The following PRKCE variants were observed in gnomAD, a reference collection of about 807,000 sequenced individuals.
PRKCE encodes the protein protein kinase C epsilon, also known as protein kinase C epsilon type.
Under a neutral mutation model 85.4 loss-of-function variants are expected in PRKCE, and 16 were observed. The observed-to-expected ratio is 0.19, with a 90% confidence interval of 0.13 to 0.28. The LOEUF (loss-of-function observed/expected upper bound fraction) is 0.28, where lower values mean the gene tolerates loss of function less well. Among genes scored for constraint, PRKCE ranks in the 10% least tolerant of loss-of-function variants. The probability of loss-of-function intolerance (pLI) is 1.00; values close to 1 mark genes in which losing one functional copy is unlikely to be tolerated. For missense variants in PRKCE, 573 were observed against 975.2 expected (o/e 0.59, Z 5.49); for synonymous variants, 388 against 371.5 (o/e 1.04, Z -0.51).
At chr2:45,980,228 A>G in intron 4 of PRKCE, 68 bp from the exon 5 acceptor site, 3 of 1,495,250 alleles carry the variant, frequency 2.0e-6, no homozygotes, top group Non-Finnish European at 2.8e-6. Flanking sequence ...CCAAGCCCTG[A>G]ATAGATCCTG....
At chr2:45,672,172 A>G (rs1330927139) in intron 1 of PRKCE, among the ~76,000 whole-genome samples, 1 of 152,010 alleles carries the variant, frequency 6.6e-6, no homozygotes, top group Non-Finnish European at 1.5e-5. Context: ...TTGCTATATC[A>G]TGCTGCATCC....
chr2:45,654,450 C>G (rs1162751150), intron 1 of PRKCE, among the ~76,000 whole-genome samples: 1 of 152,172 alleles, frequency 6.6e-6, no homozygotes, highest in African/African-American at 2.4e-5. Context: ...TCCAGAGAAG[C>G]TAGTTGGGGA....
At chr2:46,071,502 T>C (rs1668080778) in intron 10 of PRKCE, among the ~76,000 whole-genome samples, 1 of 152,210 alleles carries the variant, frequency 6.6e-6, no homozygotes, top group Admixed American at 6.5e-5. Flanking sequence ...ATGCAGCTTG[T>C]TCACGCAGCT....
chr2:45,740,427 AG>A (rs1276811276), intron 1 of PRKCE, among the ~76,000 whole-genome samples: 24 of 152,184 alleles, frequency 1.6e-4, no homozygotes, highest in Middle Eastern at 3.4e-3. Context: ...GGAAGGGGAG[AG>A]GAAAAGTCTG....
chr2:45,888,039 G>C (rs969523889), intron 2 of PRKCE, among the ~76,000 whole-genome samples: 1 of 152,220 alleles, frequency 6.6e-6, no homozygotes, highest in African/African-American at 2.4e-5. Flanking sequence ...GTGATCATTA[G>C]AAATGGACCT....
chr2:46,078,107 T>G (rs562533385), intron 10 of PRKCE: 2 of 152,268 alleles, frequency 1.3e-5, no homozygotes, highest in Non-Finnish European at 2.9e-5. Flanking sequence ...TCAAAGACAA[T>G]AAAACATTTT....
chr2:45,979,380 G>T (rs1702704764), intron 4 of PRKCE, among the ~76,000 whole-genome samples: 1 of 152,128 alleles, frequency 6.6e-6, no homozygotes, highest in Non-Finnish European at 1.5e-5. Context: ...ATCCCTCCCT[G>T]TCTCCCTCCC....
intron 11 of PRKCE, among the ~76,000 whole-genome samples, chr2:46,112,912 G>A (rs1672411535): frequency 6.6e-6 from 1 of 152,008 alleles, no homozygotes; most frequent in Non-Finnish European, 1.5e-5. Flanking sequence ...AAAATCACCA[G>A]TTGTAGGTTG....
chr2:45,719,321 A>T (rs1350400819), intron 1 of PRKCE, among the ~76,000 whole-genome samples: 1 of 152,262 alleles, frequency 6.6e-6, no homozygotes, highest in African/African-American at 2.4e-5. Context: ...CTCTGCACTG[A>T]TTCAGCACTG....
At chr2:46,045,049 T>A (rs1708436674) in intron 10 of PRKCE, among the ~76,000 whole-genome samples, 1 of 152,236 alleles carries the variant, frequency 6.6e-6, no homozygotes, top group African/African-American at 2.4e-5. Flanking sequence ...GAGCATTTTT[T>A]AAGCTCCGGG....
At chr2:46,059,347 C>T (rs1666897658) in intron 10 of PRKCE, among the ~76,000 whole-genome samples, 1 of 152,194 alleles carries the variant, frequency 6.6e-6, no homozygotes, top group Non-Finnish European at 1.5e-5. Context: ...TATTTATTTG[C>T]ACTTTGTTTT....
intron 1 of PRKCE, among the ~76,000 whole-genome samples, chr2:45,654,297 C>G (rs1029499391): frequency 2.6e-5 from 4 of 152,250 alleles, no homozygotes; most frequent in Admixed American, 2.6e-4. Flanking sequence ...AGGACACTGT[C>G]CCCACCTTCA....
chr2:45,790,047 C>G (rs1245111492), intron 1 of PRKCE, among the ~76,000 whole-genome samples: 1 of 152,196 alleles, frequency 6.6e-6, no homozygotes, highest in East Asian at 1.9e-4. Flanking sequence ...AATTACAGAG[C>G]TGGCAGGAGC....
intron 1 of PRKCE, among the ~76,000 whole-genome samples, chr2:45,710,684 C>T (rs1223506961): frequency 6.6e-6 from 1 of 152,230 alleles, no homozygotes; most frequent in Non-Finnish European, 1.5e-5. Flanking sequence ...GGCTTGGGGA[C>T]TGGCTGTCAC....
intron 2 of PRKCE, among the ~76,000 whole-genome samples, chr2:45,941,136 G>A (rs956726049): frequency 6.8e-6 from 1 of 146,308 alleles, no homozygotes; most frequent in Non-Finnish European, 1.5e-5. Context: ...TATACTAACC[G>A]AAAGAGGGCC....
At chr2:45,816,544 G>C (rs535457984) in intron 1 of PRKCE, among the ~76,000 whole-genome samples, 3 of 152,334 alleles carry the variant, frequency 2.0e-5, no homozygotes, top group African/African-American at 7.2e-5. Context: ...CCAGACTCCA[G>C]ACTTCTTGTG....
intron 11 of PRKCE, among the ~76,000 whole-genome samples, chr2:46,087,578 C>T (rs1314563066): frequency 6.6e-6 from 1 of 152,226 alleles, no homozygotes; most frequent in Non-Finnish European, 1.5e-5. Flanking sequence ...TCCATACTTC[C>T]TAGCCTGCCA....
intron 1 of PRKCE, among the ~76,000 whole-genome samples, chr2:45,821,647 C>G (rs569915145): frequency 2.4e-4 from 36 of 151,938 alleles, no homozygotes; most frequent in African/African-American, 8.5e-4. Context: ...GGGACTTGGG[C>G]AGGATGGTGG....
At chr2:45,921,630 A>C (rs986202680) in intron 2 of PRKCE, among the ~76,000 whole-genome samples, 3 of 152,204 alleles carry the variant, frequency 2.0e-5, no homozygotes, top group Admixed American at 6.5e-5. Context: ...CAGAGCTCCA[A>C]GTCACTCCTT....
Sources: gnomAD v4.1 joint callset for allele counts (sites outside exome capture counted in the v4.1 genomes callset) on GRCh38, gnomAD v4.1.1 for gene constraint, MANE v1.5 for transcripts, NCBI Gene and HGNC (gene_info 2026-07-23, HGNC 2026-07-21) for gene names.